BLACAT1: variants seen among roughly 807,000 people sequenced by gnomAD.
BLACAT1 encodes the protein BLACAT1 overlapping LEMD1 locus.
At chr1:205,452,955 A>AT (rs1481736185) in intron 1 of BLACAT1, among the ~76,000 whole-genome samples, 1 of 152,162 alleles carries the variant, frequency 6.6e-6, no homozygotes, top group Admixed American at 6.5e-5. Flanking sequence ...GCTCTCCTGT[A>AT]TTTCAGGCTT....
chr1:205,443,964 T>A lies in BLACAT1; in HGVS notation c.-36-2902A>T, dbSNP rs182019625. Among the ~76,000 whole-genome samples, 462 of 152,296 alleles carry A rather than the reference T, an allele frequency of 3.0e-3. 2 individuals carry two copies. Among genetic ancestry groups the A allele is most frequent in the Non-Finnish European group, 5.5e-3 (373 of 68,016 alleles). On this transcript the variant is annotated intron_variant, in intron 1 of 1. Transcript: ENST00000629624. The stretch of plus-strand genomic sequence containing the variant: ...TCGAGCAGGAGTCCTGTCGACTCTC[T>A]TCCCTGACTTTACCCCTTCACCCTT...
intron 1 of BLACAT1, among the ~76,000 whole-genome samples, chr1:205,442,839 C>A (rs1479493607): frequency 6.6e-6 from 1 of 152,162 alleles, no homozygotes; most frequent in Non-Finnish European, 1.5e-5. Flanking sequence ...CTGTGACAAA[C>A]CTAGAGAGAG....
chr1:205,437,500 G>A (rs1666229284), downstream of BLACAT1: 1 of 152,262 alleles, frequency 6.6e-6, no homozygotes, highest in South Asian at 2.1e-4. Context: ...CCTGGCTAGG[G>A]GAAGATTCTA....
downstream of BLACAT1, among the ~76,000 whole-genome samples, chr1:205,438,355 A>C (rs1164451730): frequency 6.6e-6 from 1 of 152,202 alleles, no homozygotes; most frequent in East Asian, 1.9e-4. Flanking sequence ...CTGGGAGAGA[A>C]CCATGGAGAG....
chr1:205,452,254 C>T (rs1225993305), intron 1 of BLACAT1, among the ~76,000 whole-genome samples: 5 of 152,212 alleles, frequency 3.3e-5, no homozygotes, highest in African/African-American at 4.8e-5. Flanking sequence ...CCCACCATTT[C>T]CTTCAAGGGC....
At chr1:205,454,160 C>G (rs186213897) in intron 1 of BLACAT1, among the ~76,000 whole-genome samples, 194 of 152,272 alleles carry the variant, frequency 1.3e-3, no homozygotes, top group African/African-American at 4.2e-3. Context: ...GGATGGGCAC[C>G]GTGCTAGGCA....
intron 1 of BLACAT1, among the ~76,000 whole-genome samples, chr1:205,444,938 G>A (rs545974588): frequency 2.5e-3 from 377 of 151,000 alleles, no homozygotes; most frequent in Non-Finnish European, 4.1e-3. Context: ...ACCCAGTAAG[G>A]AGGGTGTGCC....
intron 1 of BLACAT1, among the ~76,000 whole-genome samples, chr1:205,446,940 C>A (rs996742433): frequency 6.6e-6 from 1 of 152,222 alleles, no homozygotes; most frequent in Non-Finnish European, 1.5e-5. Flanking sequence ...CCCGCTCCCC[C>A]CGACCTCCTG....
chr1:205,446,144 G>A (rs16855619), intron 1 of BLACAT1, among the ~76,000 whole-genome samples: 14,104 of 152,248 alleles, frequency 0.093, 1,238 homozygotes, highest in African/African-American at 0.22. Flanking sequence ...AGGGACATGA[G>A]GGCAACTTGC....
Position 205,441,718 on chromosome 1 carries a change from T to C in BLACAT1, c.-36-656A>G, listed in dbSNP as rs922876243. On this transcript the variant is annotated intron_variant, in intron 1 of 1. Coordinates refer to ENST00000629624, the Ensembl canonical transcript of BLACAT1. This position sits in a 1 kb window ranked among gnomAD's most constrained non-coding sequence, Gnocchi z 4.3. ...AGAAGAGACAGCAAAGAGGGTTCTT[T>C]TAGCCAACAGGCTCTTTTATTTAGC... is the stretch of plus-strand genomic sequence containing the variant. Among the ~76,000 whole-genome samples the C allele has an allele frequency of 1.3e-5, 2 of 152,238 alleles. No individual in the cohort carries two copies. Among genetic ancestry groups the C allele is most frequent in the African/African-American group, 4.8e-5 (2 of 41,466 alleles).
At chr1:205,435,888 C>T (rs1666196664), downstream of BLACAT1, 1 of 152,208 alleles carries the variant, frequency 6.6e-6, no homozygotes. Flanking sequence ...TGAGGGGTGA[C>T]CTTAGGGGTT....
At chr1:205,454,287 C>T (rs1019967101) in intron 1 of BLACAT1, among the ~76,000 whole-genome samples, 1 of 152,164 alleles carries the variant, frequency 6.6e-6, no homozygotes, top group African/African-American at 2.4e-5. Context: ...CCCCTGCCAC[C>T]CAGTCTTCAT....
intron 1 of BLACAT1, among the ~76,000 whole-genome samples, chr1:205,444,491 A>G (rs982829350): frequency 2.0e-5 from 3 of 148,858 alleles, no homozygotes; most frequent in African/African-American, 7.7e-5. Context: ...CCTTGGCCTG[A>G]CCCCCACATC....
intron 1 of BLACAT1, among the ~76,000 whole-genome samples, chr1:205,452,758 C>A (rs991168764): frequency 6.6e-6 from 1 of 152,158 alleles, no homozygotes; most frequent in Non-Finnish European, 1.5e-5. Flanking sequence ...TGGAAGGGAA[C>A]CAGGACATTA....
In BLACAT1 at chr1:205,444,815, C is replaced by A. The variant is rs542810233; in HGVS notation, c.-36-3753G>T. On this transcript the variant is annotated intron_variant, in intron 1 of 1. Coordinates refer to ENST00000629624, the Ensembl canonical transcript of BLACAT1. ...ACAAGAAGAGGGATATTGCGCCCCCCACGACCCATCCCTTCATCTCCCAAG... is the reference window on the plus strand; with the variant it reads ...ACAAGAAGAGGGATATTGCGCCCCCAACGACCCATCCCTTCATCTCCCAAG... 3.3e-5 allele frequency among the ~76,000 whole-genome samples: 5 copies of A among 152,148 alleles called. No homozygotes were observed. The East Asian group carries it at 9.7e-4, about 29-fold the overall frequency.
downstream of BLACAT1, chr1:205,436,982 G>A (rs531214795): frequency 2.0e-3 from 299 of 152,598 alleles, 3 homozygotes; most frequent in Non-Finnish European, 4.0e-4. Context: ...TGGGAGAGAG[G>A]AGGCAATTTG....
In BLACAT1 at chr1:205,448,638, T is replaced by A. The variant is rs934096702; in HGVS notation, c.-37+7279A>T. Among the ~76,000 whole-genome samples the A allele has an allele frequency of 1.3e-5, 2 of 152,166 alleles. No homozygotes were observed. Among genetic ancestry groups the A allele is most frequent in the Non-Finnish European group, 2.9e-5 (2 of 68,016 alleles). On this transcript the variant is annotated intron_variant, in intron 1 of 1. Transcript: ENST00000629624. The surrounding 1 kb of genome is among the most constrained non-coding windows in gnomAD (Gnocchi z 4.7). ...ACACAATGGTCCTCACTCCAGGGTA[T>A]GAGGAGGGGTGGCTTCCTGGCCATA... is the stretch of plus-strand genomic sequence containing the variant.
At chr1:205,454,750 GCT>G (rs1666542666) in intron 1 of BLACAT1, among the ~76,000 whole-genome samples, 1 of 152,046 alleles carries the variant, frequency 6.6e-6, no homozygotes, top group Non-Finnish European at 1.5e-5. Context: ...TCAATTCAGA[GCT>G]CTTTCACCAG....
intron 1 of BLACAT1, among the ~76,000 whole-genome samples, chr1:205,445,645 T>C (rs971117966): frequency 6.6e-6 from 1 of 152,230 alleles, no homozygotes; most frequent in African/African-American, 2.4e-5. Context: ...TCTGAGATTC[T>C]TGGGAGCTGG....
Sources: gnomAD v4.1 joint callset for allele counts (sites outside exome capture counted in the v4.1 genomes callset) on GRCh38, gnomAD v4.1.1 for gene constraint, Gnocchi (gnomAD v3.1) non-coding constraint, MANE v1.5 for transcripts, NCBI Gene and HGNC (gene_info 2026-07-23, HGNC 2026-07-21) for gene names.